Variants in SIK3 observed in about 807,000 individuals in gnomAD.
The protein encoded by SIK3 is serine/threonine-protein kinase SIK3.
A neutral mutation model predicts 144.2 loss-of-function variants in SIK3; 28 were observed. The ratio of observed to expected loss-of-function variants is 0.19; its 90% CI spans 0.14 to 0.27. SIK3 has a LOEUF of 0.27. SIK3 is among the 10% of genes least tolerant of loss of function. The probability of loss-of-function intolerance (pLI) is 1.00; values close to 1 mark genes in which losing one functional copy is unlikely to be tolerated. For missense variants in SIK3, 1,319 were observed against 1,776.0 expected (o/e 0.74, Z 4.62); for synonymous variants, 686 against 676.3 (o/e 1.01, Z -0.22).
At chr11:116,871,464 A>G (rs1943967988) in intron 13 of SIK3, among the ~76,000 whole-genome samples, 1 of 152,192 alleles carries the variant, frequency 6.6e-6, no homozygotes, top group Non-Finnish European at 1.5e-5. Context: ...TGAATAACAC[A>G]CTAAGAAGTT....
chr11:117,092,091 T>TA (rs1955275307), intron 1 of SIK3, among the ~76,000 whole-genome samples: 1 of 152,118 alleles, frequency 6.6e-6, no homozygotes, highest in Non-Finnish European at 1.5e-5. Flanking sequence ...AGCCACGTTT[T>TA]AAAAACATAA....
intron 1 of SIK3, among the ~76,000 whole-genome samples, chr11:116,965,487 T>C (rs1949495044): frequency 6.6e-6 from 1 of 151,898 alleles, no homozygotes; most frequent in African/African-American, 2.4e-5. Flanking sequence ...CAGGTGTTTA[T>C]TTCAGATTAA....
rs191748930 is a variant in SIK3, at chr11:116,866,911, T to C, written c.1952+1035A>G. 3.5e-4 allele frequency among the ~76,000 whole-genome samples: 54 copies of C among 152,318 alleles called. No homozygotes were observed. In the East Asian group the frequency reaches 9.6e-3, roughly 27 times the overall value. Reference sequence around the variant, plus strand: ...GTCATTTATGAAAGCTTATCTTCCTTCTTTTAGGGTTCCAACGTGGCACTA... The same window carrying C: ...GTCATTTATGAAAGCTTATCTTCCTCCTTTTAGGGTTCCAACGTGGCACTA... On this transcript the variant is annotated intron_variant, in intron 15 of 24. Coordinates refer to ENST00000445177, the MANE Select transcript of SIK3 (RefSeq NM_001366686.3).
chr11:117,052,384 C>T (rs1190152113), intron 1 of SIK3, among the ~76,000 whole-genome samples: 1 of 152,108 alleles, frequency 6.6e-6, no homozygotes, highest in African/African-American at 2.4e-5. Context: ...ATTGCAGTAG[C>T]CCAGGCATGG....
At chr11:117,080,634 C>A (rs977873747) in intron 1 of SIK3, among the ~76,000 whole-genome samples, 1 of 152,164 alleles carries the variant, frequency 6.6e-6, no homozygotes, top group East Asian at 1.9e-4. Context: ...AAACAACTTA[C>A]GTAAAATTTG....
intron 4 of SIK3, among the ~76,000 whole-genome samples, chr11:116,901,670 T>A (rs190390805): frequency 6.6e-6 from 1 of 152,056 alleles, no homozygotes; most frequent in Non-Finnish European, 1.5e-5. Flanking sequence ...CTGAAAAACA[T>A]CCTCTCTTGT....
intron 13 of SIK3, 50 bp from the exon 14 acceptor site, chr11:116,870,451 T>G (rs1943908938): frequency 1.2e-6 from 2 of 1,611,366 alleles, no homozygotes; most frequent in Non-Finnish European, 1.7e-6. Context: ...TATTCTGTCA[T>G]GCCTCTTACT....
intron 1 of SIK3, among the ~76,000 whole-genome samples, chr11:117,081,421 AG>A (rs1954781123): frequency 6.6e-6 from 1 of 152,180 alleles, no homozygotes; most frequent in Non-Finnish European, 1.5e-5. Flanking sequence ...CAGGAGATCA[AG>A]ACCATCCTGG....
At chr11:116,847,422 AG>A in intron 23 of SIK3, 53 bp downstream of exon 23, 2 of 1,610,220 alleles carry the variant, frequency 1.2e-6, no homozygotes, top group East Asian at 2.2e-5. Context: ...CGGAAGATGG[AG>A]GGAGGCCCCT....
At position 116,844,662 on chromosome 11, in the gene SIK3, AT is replaced by A. The variant is rs1298588689; in HGVS notation, c.*980del. 8.9e-6 allele frequency: 1 copy of A among 112,232 alleles called. No individual in the cohort carries two copies. The highest frequency in any genetic ancestry group is 1.7e-5 in the Non-Finnish European group (1 of 59,714). 7.0% of individuals were successfully genotyped at this position (112,232 alleles called of 1,614,324 possible). On this transcript the variant is annotated 3_prime_UTR_variant, in exon 25 of 25. Coordinates refer to ENST00000445177, the MANE Select transcript of SIK3 (RefSeq NM_001366686.3). ...ATATTATATATTATATATATAATAT[AT>A]ATATACACATATATTATATTATATA... is the stretch of plus-strand genomic sequence containing the variant.
chr11:117,011,922 C>A (rs4245168), intron 1 of SIK3, among the ~76,000 whole-genome samples: 125,990 of 152,060 alleles, frequency 0.83, 52,823 homozygotes, highest in Non-Finnish European at 0.89. Flanking sequence ...AAAATAAATA[C>A]ATAAAGTTTC....
At chr11:117,068,146 A>G (rs1452129508) in intron 1 of SIK3, among the ~76,000 whole-genome samples, 1 of 152,186 alleles carries the variant, frequency 6.6e-6, no homozygotes, top group African/African-American at 2.4e-5. Context: ...AGAATACACA[A>G]TATTATCATC....
chr11:116,922,509 G>A (rs908972412), intron 4 of SIK3, among the ~76,000 whole-genome samples: 3 of 151,862 alleles, frequency 2.0e-5, no homozygotes, highest in Non-Finnish European at 2.9e-5. Flanking sequence ...GGGAAGGGGC[G>A]GGCATGGTGG....
At chr11:117,027,532 G>A (rs1331096621) in intron 1 of SIK3, among the ~76,000 whole-genome samples, 1 of 151,734 alleles carries the variant, frequency 6.6e-6, no homozygotes, top group Non-Finnish European at 1.5e-5. Context: ...GTGCAATCTC[G>A]GCTCACTGCC....
intron 1 of SIK3, 66 bp from the exon 2 acceptor site, chr11:116,957,130 G>A: frequency 1.2e-6 from 1 of 818,536 alleles, no homozygotes; most frequent in Non-Finnish European, 1.9e-6. Flanking sequence ...GAAAAATTAG[G>A]TTCACTTTAA....
rs202058609 is a variant in SIK3, at chr11:116,922,907, CTTTTTTTTTTTT to C, written c.616+4300_616+4311del. 4.5e-4 allele frequency among the ~76,000 whole-genome samples: 46 copies of C among 102,178 alleles called. 2 individuals are homozygous for C. In the East Asian group the frequency reaches 8.8e-3, roughly 20 times the overall value. 67.0% of individuals were successfully genotyped at this position (102,178 alleles called of 152,430 possible). A position where few individuals can be genotyped will look rare whatever the true frequency, so the allele number is the denominator to read the frequency against. ...CGACTAATTTCTCCTTTTCTTTTCT[CTTTTTTTTTTTT>C]TTTTTTTTTTTTTTTGAGATGGAGT... On this transcript the variant is annotated intron_variant, in intron 4 of 24. Coordinates refer to ENST00000445177, the MANE Select transcript of SIK3 (RefSeq NM_001366686.3).
At chr11:116,936,950 C>T (rs1947951531) in intron 3 of SIK3, among the ~76,000 whole-genome samples, 1 of 152,188 alleles carries the variant, frequency 6.6e-6, no homozygotes, top group Admixed American at 6.5e-5. Context: ...CAAGGTTATC[C>T]TTTAAAGTCC....
chr11:116,994,916 C>T (rs528908742), intron 1 of SIK3, among the ~76,000 whole-genome samples: 1 of 151,082 alleles, frequency 6.6e-6, no homozygotes, highest in East Asian at 1.9e-4. Flanking sequence ...TTAAAAGTCC[C>T]GTTTTCCAGG....
intron 6 of SIK3, among the ~76,000 whole-genome samples, chr11:116,884,318 C>G (rs1944698248): frequency 6.7e-6 from 1 of 149,216 alleles, no homozygotes; most frequent in East Asian, 2.0e-4. Flanking sequence ...TCTCCAGTAG[C>G]TGAGACTACA....
Sources: gnomAD v4.1 joint callset for allele counts (sites outside exome capture counted in the v4.1 genomes callset) on GRCh38, gnomAD v4.1.1 for gene constraint, MANE v1.5 for transcripts, NCBI Gene and HGNC (gene_info 2026-07-23, HGNC 2026-07-21) for gene names.